Variants in ELAVL3 observed in about 807,000 individuals in gnomAD.
The protein encoded by ELAVL3 is ELAV-like protein 3.
ELAVL3 carries 8 observed loss-of-function variants against 34.2 expected under a neutral mutation model. The observed-to-expected ratio is 0.23, with a 90% CI of 0.14 to 0.42. The LOEUF is 0.42. ELAVL3 is among the 10% of genes least tolerant of loss of function. The pLI, the probability that ELAVL3 is intolerant of heterozygous loss-of-function variation, is 1.00. For missense variants in ELAVL3, 273 were observed against 518.8 expected (o/e 0.53, Z 4.60); for synonymous variants, 209 against 222.1 (o/e 0.94, Z 0.53).
chr19:11,475,707 A>C (rs55880027), intron 1 of ELAVL3, among the ~76,000 whole-genome samples: 5,407 of 148,916 alleles, frequency 0.036, 328 homozygotes, highest in African/African-American at 0.13. Context: ...TCCACCTCCC[A>C]AGTTCAAGCA....
Position 11,466,150 on chromosome 19 carries a change from G to C in ELAVL3, c.333+22C>G, listed in dbSNP as rs201276960. 2 of 1,609,476 alleles carry C rather than the reference G, an allele frequency of 1.2e-6. No individual in the cohort carries two copies. Among genetic ancestry groups the C allele is most frequent in the African/African-American group, 1.3e-5 (1 of 74,868 alleles). On this transcript the variant is annotated intron_variant, in intron 3 of 6. Coordinates refer to ENST00000359227, the MANE Select transcript of ELAVL3 (RefSeq NM_001420.4). This position sits in a 1 kb window ranked among gnomAD's most constrained non-coding sequence, Gnocchi z 5.0. ...TCAGTTGGGGTGGGCGGTCATGGGG[G>C]ATTGGAGAAGGAGGCACCAACCTTG...
intron 1 of ELAVL3, among the ~76,000 whole-genome samples, chr19:11,472,453 T>G (rs1971182714): frequency 1.3e-5 from 2 of 151,856 alleles, no homozygotes; most frequent in African/African-American, 4.8e-5. Context: ...ATAATCCCAG[T>G]ACTTTGGGAG....
At position 11,451,918 on chromosome 19, in the gene ELAVL3, G is replaced by C. The variant is rs549167868; in HGVS notation, c.*2608C>G. On this transcript the variant is annotated 3_prime_UTR_variant, in exon 7 of 7. Coordinates refer to ENST00000359227, the MANE Select transcript of ELAVL3 (RefSeq NM_001420.4). ...TGCTGCAAGCTTCCCACGCGGACGT[G>C]CGTGTTCCCGAATGCAGAGGGCGGA... 1 of 152,206 alleles carries C rather than the reference G, an allele frequency of 6.6e-6. No individual in the cohort carries two copies. Among genetic ancestry groups the C allele is most frequent in the Non-Finnish European group, 1.5e-5 (1 of 67,968 alleles). The allele number at this position is 152,206 out of a possible 1,614,324, so 9.4% of individuals were successfully genotyped here.
At chr19:11,465,199 GCCACACACATACACACACA>G (rs1971017393) in intron 3 of ELAVL3, among the ~76,000 whole-genome samples, 2 of 48,562 alleles carry the variant, frequency 4.1e-5, no homozygotes, top group South Asian at 7.0e-4. Flanking sequence ...ACACCTACAC[GCCACACACATACACACACA>G]CCACACACAT....
At chr19:11,467,354 G>A (rs1250991473) in intron 1 of ELAVL3, among the ~76,000 whole-genome samples, 7 of 151,882 alleles carry the variant, frequency 4.6e-5, no homozygotes, top group African/African-American at 1.5e-4. Flanking sequence ...CCCGGGAGGC[G>A]GAGGTTGTGG....
chr19:11,480,476 C>T lies in ELAVL3; in HGVS notation c.9+124G>A. The stretch of plus-strand genomic sequence containing the variant: ...CTCAGGCCCCGAGGCTTGGTCCTAC[C>T]CCCCCAACCCGGGCCTAGCTAGGCC... On this transcript the variant is annotated intron_variant, in intron 1 of 6. Transcript: ENST00000359227. This position sits in a 1 kb window ranked among gnomAD's most constrained non-coding sequence, Gnocchi z 6.8. The T allele has an allele frequency of 1.7e-6, 2 of 1,159,486 alleles. No individual in the cohort carries two copies. The highest frequency in any genetic ancestry group is 2.3e-6 in the Non-Finnish European group (2 of 878,184). The allele number at this position is 1,159,486 out of a possible 1,614,324, so 71.8% of individuals were successfully genotyped here.
Position 11,453,195 on chromosome 19 carries a change from G to GGC in ELAVL3, c.*1330_*1331insGC, listed in dbSNP as rs1650580955. ...TGTCCTTTGGCCTCAAGTGTTGTGG[G>GGC]GGGGGGGGCTGCCTCCAGCCCACCG... On this transcript the variant is annotated 3_prime_UTR_variant, in exon 7 of 7. Transcript: ENST00000359227. 1 of 152,150 alleles carries GGC rather than the reference G, an allele frequency of 6.6e-6. No individual in the cohort carries two copies. Among genetic ancestry groups the GGC allele is most frequent in the Admixed American group, 6.5e-5 (1 of 15,280 alleles). The allele number at this position is 152,150 out of a possible 1,614,324, so 9.4% of individuals were successfully genotyped here. A position where few individuals can be genotyped will look rare whatever the true frequency, so the allele number is the denominator to read the frequency against.
In ELAVL3 at chr19:11,454,179, G is replaced by T; in HGVS notation, c.*347C>A. ...TGGAGCCCCCCAAGCCATCCCATCG[G>T]GGGTGGTCGAGGGTGGGGGTGGGGG... On this transcript the variant is annotated 3_prime_UTR_variant, in exon 7 of 7. Transcript: ENST00000359227. This position sits in a 1 kb window ranked among gnomAD's most constrained non-coding sequence, Gnocchi z 9.2. The T allele has an allele frequency of 4.4e-6, 1 of 228,366 alleles. No homozygotes were observed. Among genetic ancestry groups the T allele is most frequent in the South Asian group, 8.6e-5 (1 of 11,578 alleles). The allele number at this position is 228,366 out of a possible 1,614,324, so 14.1% of individuals were successfully genotyped here. A position where few individuals can be genotyped will look rare whatever the true frequency, so the allele number is the denominator to read the frequency against.
rs572510583 is a variant in ELAVL3 at position 11,467,221 on chromosome 19, G to A, written c.10-394C>T. 6.0e-3 allele frequency among the ~76,000 whole-genome samples: 919 copies of A among 152,052 alleles called. 4 individuals are homozygous for A. The highest frequency in any genetic ancestry group is 9.4e-3 in the Non-Finnish European group (638 of 67,990). On this transcript the variant is annotated intron_variant, in intron 1 of 6. Transcript: ENST00000359227. Reference sequence around the variant, plus strand: ...GCGGATCACCTGAGGTCGGGAGTTCGAGACCAGCCAGACCAACATGGAGAA... The same window carrying A: ...GCGGATCACCTGAGGTCGGGAGTTCAAGACCAGCCAGACCAACATGGAGAA...
At chr19:11,473,622 T>C (rs1971209490) in intron 1 of ELAVL3, among the ~76,000 whole-genome samples, 1 of 152,208 alleles carries the variant, frequency 6.6e-6, no homozygotes, top group South Asian at 2.1e-4. Context: ...ACAACAATCC[T>C]AAAAAGAGAA....
chr19:11,474,940 T>C (rs1971235442), intron 1 of ELAVL3, among the ~76,000 whole-genome samples: 1 of 152,214 alleles, frequency 6.6e-6, no homozygotes, highest in Non-Finnish European at 1.5e-5. Context: ...ACCATTCTCC[T>C]GCCTCAGCCT....
rs373130061 is a variant in ELAVL3 at position 11,466,798 on chromosome 19, C to G, written c.39G>C (p.Val13=). ...TQILGAMESQ[V]GGGPAGPALP... ...GGGCCGGGCCGGCCGGGCCCCCCCCCACCTGAGACTCCATGGCCCCCAGTA... is the reference window on the plus strand; with the variant it reads ...GGGCCGGGCCGGCCGGGCCCCCCCCGACCTGAGACTCCATGGCCCCCAGTA... Residue 13 remains valine, a synonymous_variant, in exon 2 of 7, where the codon GTG becomes GTC. Transcript: ENST00000359227. This position sits in a 1 kb window ranked among gnomAD's most constrained non-coding sequence, Gnocchi z 5.0. The G allele has an allele frequency of 6.5e-5, 104 of 1,611,150 alleles. No individual in the cohort carries two copies. The highest frequency in any genetic ancestry group is 3.7e-4 in the South Asian group (34 of 90,860).
chr19:11,471,717 G>T (rs1011391257), intron 1 of ELAVL3, among the ~76,000 whole-genome samples: 141 of 151,908 alleles, frequency 9.3e-4, no homozygotes, highest in Non-Finnish European at 2.4e-4. Context: ...GCCTCCCAAA[G>T]TGTTGGGATT....
intron 3 of ELAVL3, among the ~76,000 whole-genome samples, chr19:11,462,846 C>A (rs1462671953): frequency 6.6e-6 from 1 of 151,232 alleles, no homozygotes; most frequent in Non-Finnish European, 1.5e-5. Context: ...CCTGTAGTCC[C>A]AGCTACACGG....
In ELAVL3 at chr19:11,454,959, CCT is replaced by C; in HGVS notation, c.753-84_753-83del. 7.0e-7 allele frequency: 1 copy of C among 1,428,286 alleles called. No individual in the cohort carries two copies. The highest frequency in any genetic ancestry group is 2.3e-5 in the East Asian group (1 of 43,658). The allele number at this position is 1,428,286 out of a possible 1,614,324, so 88.5% of individuals were successfully genotyped here. A position where few individuals can be genotyped will look rare whatever the true frequency, so the allele number is the denominator to read the frequency against. On this transcript the variant is annotated intron_variant, in intron 6 of 6. Coordinates refer to ENST00000359227, the MANE Select transcript of ELAVL3 (RefSeq NM_001420.4). This position sits in a 1 kb window ranked among gnomAD's most constrained non-coding sequence, Gnocchi z 9.2. ...TGTGACCCTTCACACCTTTATGACCCCTGACTGTGCCATGACCTTGGAATGGT... is the reference window on the plus strand; with the variant it reads ...TGTGACCCTTCACACCTTTATGACCCGACTGTGCCATGACCTTGGAATGGT...
chr19:11,474,600 C>CA (rs35373148), intron 1 of ELAVL3, among the ~76,000 whole-genome samples: 8,528 of 142,324 alleles, frequency 0.06, 329 homozygotes, highest in East Asian at 0.17. Context: ...GACTCCGTCT[C>CA]AAAAAAAAAA....
chr19:11,456,260 G>A (rs311792), intron 6 of ELAVL3, among the ~76,000 whole-genome samples: 23,458 of 151,438 alleles, frequency 0.15, 2,034 homozygotes, highest in African/African-American at 0.22. Context: ...GCCTGCCACC[G>A]TGCCCAGCTA....
intron 1 of ELAVL3, among the ~76,000 whole-genome samples, chr19:11,478,905 C>T (rs984402796): frequency 7.9e-5 from 12 of 152,166 alleles, no homozygotes; most frequent in African/African-American, 2.4e-4. Context: ...TGAGGCTGGG[C>T]TACCACGTGG....
chr19:11,469,294 A>AG (rs1336342976), intron 1 of ELAVL3, among the ~76,000 whole-genome samples: 1 of 150,998 alleles, frequency 6.6e-6, no homozygotes, highest in Non-Finnish European at 1.5e-5. Flanking sequence ...TTTGCGCGGG[A>AG]GGGGGGACGG....
Sources: gnomAD v4.1 joint callset for allele counts (sites outside exome capture counted in the v4.1 genomes callset) on GRCh38, gnomAD v4.1.1 for gene constraint, Gnocchi (gnomAD v3.1) non-coding constraint, MANE v1.5 for transcripts, NCBI Gene and HGNC (gene_info 2026-07-23, HGNC 2026-07-21) for gene names.